Variants in MAP1A observed in about 807,000 individuals in gnomAD.
MAP1A encodes the protein microtubule associated protein 1A.
In MAP1A, 42 loss-of-function variants were observed where a neutral mutation model predicts 185.9. The observed-to-expected ratio is 0.23, with a 90% confidence interval of 0.18 to 0.29. The LOEUF (loss-of-function observed/expected upper bound fraction) is 0.29, where lower values mean the gene tolerates loss of function less well. MAP1A is among the 10% of genes least tolerant of loss of function. The pLI is 1.00. For missense variants in MAP1A, 2,995 were observed against 3,450.4 expected (o/e 0.87, Z 3.31); for synonymous variants, 1,229 against 1,335.9 (o/e 0.92, Z 1.74).
rs970610121 is a variant in MAP1A at position 43,521,195 on chromosome 15, G to T, written c.-151+83G>T. On this transcript the variant is annotated intron_variant, in intron 3 of 5. Coordinates refer to ENST00000300231, the MANE Select transcript of MAP1A (RefSeq NM_002373.6). The surrounding 1 kb of genome is among the most constrained non-coding windows in gnomAD (Gnocchi z 4.6). ...TCTAAGGGAAAGTCTCATATTGCAT[G>T]ACCATGGGGGGCCCTGGCAGAAAGG... 6.8e-7 allele frequency: 1 copy of T among 1,478,134 alleles called. No individual in the cohort carries two copies. Among genetic ancestry groups the T allele is most frequent in the Non-Finnish European group, 8.9e-7 (1 of 1,117,678 alleles). The allele number at this position is 1,478,134 out of a possible 1,614,324, so 91.6% of individuals were successfully genotyped here. A position where few individuals can be genotyped will look rare whatever the true frequency, so the allele number is the denominator to read the frequency against.
chr15:43,527,736 G>C lies in MAP1A; in HGVS notation c.6263G>C (p.Arg2088Thr). The C allele has an allele frequency of 6.2e-7, 1 of 1,613,190 alleles. No homozygotes were observed. The highest frequency in any genetic ancestry group is 1.7e-5 in the Admixed American group (1 of 59,896). The change falls in exon 4 of 6, where the codon AGG becomes ACG. Residue 2088 changes from arginine (R) to threonine (T), a missense_variant. Arg to Thr is a moderately conservative substitution (Grantham distance 71). This residue lies in a region of MAP1A where 2,728 missense variants were observed against 2,986.0 expected (regional missense o/e 0.91). Coordinates refer to ENST00000300231, the MANE Select transcript of MAP1A (RefSeq NM_002373.6). Reference protein sequence around the residue: ...NGNILSCSPDRRSPSPKESGR... With the variant: ...NGNILSCSPDTRSPSPKESGR... ...AACATCCTGAGCTGCAGCCCAGATA[G>C]GAGGTCCCCATCCCCCAAGGAATCA...
exon 1 of MAP1A, chr15:43,511,212 C>A (rs2079275778): frequency 6.5e-7 from 1 of 1,550,296 alleles, no homozygotes; most frequent in Admixed American, 2.0e-5. Flanking sequence ...GCCGTGCGGG[C>A]CCACCTTGAA....
In MAP1A at chr15:43,521,784, G is replaced by A. The variant is rs1306927546; in HGVS notation, c.311G>A (p.Arg104His). The A allele has an allele frequency of 5.6e-6, 9 of 1,614,100 alleles. No individual in the cohort carries two copies. The highest frequency in any genetic ancestry group is 2.2e-5 in the East Asian group (1 of 44,892). The change falls in exon 4 of 6, where the codon CGC (arginine) becomes CAC (histidine). Residue 104 changes from arginine (R) to histidine (H), a missense_variant. By Grantham distance (29) the Arg-to-His change is conservative. Transcript: ENST00000300231. The surrounding 1 kb of genome is among the most constrained non-coding windows in gnomAD (Gnocchi z 4.6). ...NLPGINGLLQ[R>H]KVAELEEEQS... ...CCAGGCATCAATGGACTACTGCAGC[G>A]CAAAGTGGCAGAGCTAGAGGAGGAG...
At position 43,523,857 on chromosome 15, in the gene MAP1A, C is replaced by T; in HGVS notation, c.2384C>T (p.Pro795Leu). The T allele has an allele frequency of 6.2e-7, 1 of 1,614,184 alleles. No individual in the cohort carries two copies. Among genetic ancestry groups the T allele is most frequent in the Admixed American group, 1.7e-5 (1 of 60,034 alleles). ...AGCCAACCTGCCGATAGTGCTGTTC[C>T]TGCTACCTCTGGCAAAGTCTATGGA... ...EASQPADSAV[P>L]ATSGKVYGTP... is the part of the protein sequence containing the mutation. Residue 795 changes from proline to leucine, a missense_variant, in exon 4 of 6, where the codon CCT (proline) becomes CTT (leucine). By Grantham distance (98) the Pro-to-Leu change is moderately conservative. Around this residue, in one of 3 missense-constraint regions of MAP1A, gnomAD observed 2,728 missense variants for 2,986.0 expected, o/e 0.91. Transcript: ENST00000300231.
At position 43,525,131 on chromosome 15, in the gene MAP1A, G is replaced by A. The variant is rs770395335; in HGVS notation, c.3658G>A (p.Glu1220Lys). 2.2e-5 allele frequency: 36 copies of A among 1,614,078 alleles called. No individual in the cohort carries two copies. The highest frequency in any genetic ancestry group is 2.8e-5 in the Non-Finnish European group (33 of 1,180,048). The change falls in exon 4 of 6, where the codon GAA (glutamate) becomes AAA (lysine). Residue 1220 changes from glutamate (E) to lysine (K), a missense_variant. Glu to Lys is a moderately conservative substitution (Grantham distance 56). Coordinates refer to ENST00000300231, the MANE Select transcript of MAP1A (RefSeq NM_002373.6). The stretch of plus-strand genomic sequence containing the variant: ...TGTCTCTTCTAAGCAGCTCTCTCCA[G>A]AAAGCCTTGGCACCCTCCAGTTTGG... ...LDVSSKQLSP[E>K]SLGTLQFGEL...
At position 43,523,404 on chromosome 15, in the gene MAP1A, G is replaced by A. The variant is rs946962804; in HGVS notation, c.1931G>A (p.Ser644Asn). Reference protein sequence around the residue: ...LPDRTEAREESEPEVKEDVIE... With the variant: ...LPDRTEAREENEPEVKEDVIE... ...GACAGAACAGAAGCCAGAGAGGAAA[G>A]TGAACCTGAAGTAAAGGAGGATGTG... Residue 644 changes from serine (S) to asparagine (N), a missense_variant, in exon 4 of 6, where the codon AGT (serine) becomes AAT (asparagine). Coordinates refer to ENST00000300231, the MANE Select transcript of MAP1A (RefSeq NM_002373.6). 6.2e-7 allele frequency: 1 copy of A among 1,612,944 alleles called. No individual in the cohort carries two copies. Among genetic ancestry groups the A allele is most frequent in the Non-Finnish European group, 8.5e-7 (1 of 1,179,426 alleles).
intron 2 of MAP1A, 46 bp from the exon 3 acceptor site, chr15:43,520,926 C>T: frequency 6.6e-7 from 1 of 1,525,540 alleles, no homozygotes; most frequent in South Asian, 1.2e-5. Flanking sequence ...CATTGCCTTT[C>T]CCTGGATTTC....
intron 1 of MAP1A, chr15:43,512,175 G>A (rs2079283022): frequency 6.7e-7 from 1 of 1,481,810 alleles, no homozygotes; most frequent in Middle Eastern, 1.7e-4. Context: ...AACCTTCTTT[G>A]TTTTTCTCCC....
At position 43,512,245 on chromosome 15, in the gene MAP1A, ACT is replaced by A. The variant is rs1455579170; in HGVS notation, c.297_298del (p.Phe100HisfsTer23). 10 of 1,549,662 alleles carry A rather than the reference ACT, an allele frequency of 6.5e-6. No homozygotes were observed. Among genetic ancestry groups the A allele is most frequent in the Admixed American group, 2.0e-5 (1 of 50,964 alleles). ...CCTTTGACTTGAACCAACAGTTGAG[ACT>A]CTTCATTACCCGGCACCTAGCTCAC... On this transcript the variant is annotated frameshift_variant, in exon 2 of 7. Transcript: ENST00000382031. LOFTEE classifies it high-confidence loss of function.
rs1332393839 is a variant in MAP1A at position 43,529,469 on chromosome 15, A to G, written c.7996A>G (p.Met2666Val). The G allele has an allele frequency of 6.2e-7, 1 of 1,612,564 alleles. No homozygotes were observed. The highest frequency in any genetic ancestry group is 8.5e-7 in the Non-Finnish European group (1 of 1,179,018). The change falls in exon 4 of 6, where the codon ATG (methionine) becomes GTG (valine). Residue 2666 changes from methionine to valine, a missense_variant. Transcript: ENST00000300231. The surrounding 1 kb of genome is among the most constrained non-coding windows in gnomAD (Gnocchi z 4.3). Reference protein sequence around the residue: ...PAEEKDGHSPMSKGLVNGLKA... With the variant: ...PAEEKDGHSPVSKGLVNGLKA... ...AGAGGAAAAGGATGGACACAGCCCC[A>G]TGTCCAAAGGCCTAGTCAATGGACT...
chr15:43,524,589 T>C lies in MAP1A; in HGVS notation c.3116T>C (p.Val1039Ala). ...SWGDTKRTPG[V>A]GKEDAAEETV... is the part of the protein sequence containing the mutation. ...GGAGACACTAAGCGCACACCAGGTGTGGGCAAAGAAGATGCTGCTGAGGAG... is the reference window on the plus strand; with the variant it reads ...GGAGACACTAAGCGCACACCAGGTGCGGGCAAAGAAGATGCTGCTGAGGAG... Residue 1039 changes from valine to alanine, a missense_variant, in exon 4 of 6, where the codon GTG becomes GCG. Val to Ala is a moderately conservative substitution (Grantham distance 64). Transcript: ENST00000300231. The C allele has an allele frequency of 6.2e-7, 1 of 1,613,914 alleles. No individual in the cohort carries two copies.
rs995006743 is a variant in MAP1A at position 43,517,632 on chromosome 15, T to C, written c.-443T>C. 1.1e-5 allele frequency: 10 copies of C among 900,226 alleles called. No individual in the cohort carries two copies. The highest frequency in any genetic ancestry group is 1.3e-5 in the Non-Finnish European group (10 of 778,180). 55.8% of individuals were successfully genotyped at this position (900,226 alleles called of 1,614,324 possible). ...CACTCCCACCCTAAGTGCTGCAGAC[T>C]CTTCCCTGAAGCTGCCGGCTGAGGC... On this transcript the variant is annotated 5_prime_UTR_variant, in exon 1 of 6. Coordinates refer to ENST00000300231, the MANE Select transcript of MAP1A (RefSeq NM_002373.6).
Position 43,524,307 on chromosome 15 carries a change from C to G in MAP1A, c.2834C>G (p.Thr945Arg), listed in dbSNP as rs775236278. The G allele has an allele frequency of 1.2e-6, 2 of 1,614,206 alleles. No individual in the cohort carries two copies. Among genetic ancestry groups the G allele is most frequent in the Non-Finnish European group, 1.7e-6 (2 of 1,180,032 alleles). ...GCTGTGGAAGAGGAAGAGGAGGAGA[C>G]AGCAAACGTAGAGATGTCTGAGAAA... Reference protein sequence around the residue: ...ERAVEEEEEETANVEMSEKLC... With the variant: ...ERAVEEEEEERANVEMSEKLC... Residue 945 changes from threonine (T) to arginine (R), a missense_variant, in exon 4 of 6, where the codon ACA becomes AGA. Transcript: ENST00000300231.
chr15:43,529,788 A>G lies in MAP1A; in HGVS notation c.8174A>G (p.Asn2725Ser), dbSNP rs375905188. The G allele has an allele frequency of 7.4e-6, 12 of 1,614,020 alleles. No individual in the cohort carries two copies. Among genetic ancestry groups the G allele is most frequent in the East Asian group, 2.2e-5 (1 of 44,884 alleles). ...VRASYYVVSG[N>S]DPANGEPSRA... ...GCATCCTACTATGTGGTCAGTGGGA[A>G]TGACCCTGCCAATGGCGAGCCAAGC... Residue 2725 changes from asparagine (N) to serine (S), a missense_variant, in exon 5 of 6, where the codon AAT becomes AGT. This residue lies in a region of MAP1A where 2,728 missense variants were observed against 2,986.0 expected (regional missense o/e 0.91). Transcript: ENST00000300231. This position sits in a 1 kb window ranked among gnomAD's most constrained non-coding sequence, Gnocchi z 4.3.
At position 43,524,574 on chromosome 15, in the gene MAP1A, A is replaced by G. The variant is rs370769489; in HGVS notation, c.3101A>G (p.Lys1034Arg). The G allele has an allele frequency of 6.2e-7, 1 of 1,614,024 alleles. No homozygotes were observed. Among genetic ancestry groups the G allele is most frequent in the African/African-American group, 1.3e-5 (1 of 74,908 alleles). The change falls in exon 4 of 6, where the codon AAG becomes AGG. Residue 1034 changes from lysine (K) to arginine (R), a missense_variant. By Grantham distance (26) the Lys-to-Arg change is conservative. Transcript: ENST00000300231. ...FQEADSWGDTKRTPGVGKEDA... is the reference protein window; with the variant it reads ...FQEADSWGDTRRTPGVGKEDA... ...GAGGCAGACTCCTGGGGAGACACTAAGCGCACACCAGGTGTGGGCAAAGAA... is the reference window on the plus strand; with the variant it reads ...GAGGCAGACTCCTGGGGAGACACTAGGCGCACACCAGGTGTGGGCAAAGAA...
intron 1 of MAP1A, 41 bp from the exon 2 acceptor site, chr15:43,520,600 T>C: frequency 7.8e-7 from 1 of 1,279,916 alleles, no homozygotes; most frequent in Non-Finnish European, 1.1e-6. Flanking sequence ...CCACAATTTC[T>C]ATACCTATTC....
At position 43,528,084 on chromosome 15, in the gene MAP1A, T is replaced by C. The variant is rs1269682363; in HGVS notation, c.6611T>C (p.Leu2204Pro). The change falls in exon 4 of 6, where the codon CTG becomes CCG. Residue 2204 changes from leucine (L) to proline (P), a missense_variant. Physicochemically the swap from Leu to Pro is moderately conservative, Grantham distance 98. Transcript: ENST00000300231. ...TTCTCTGGGGATCGAGCTCTGGCTC[T>C]GGCTCCAGGACCCCCCACCAGAACC... ...LAFSGDRALA[L>P]APGPPTRTRH... 1 of 1,613,918 alleles carries C rather than the reference T, an allele frequency of 6.2e-7. No individual in the cohort carries two copies. The highest frequency in any genetic ancestry group is 1.3e-5 in the African/African-American group (1 of 74,898).
upstream of MAP1A, among the ~76,000 whole-genome samples, chr15:43,513,101 G>A (rs765833759): frequency 3.3e-5 from 5 of 152,158 alleles, no homozygotes; most frequent in Admixed American, 6.5e-5. Context: ...GGCTGAGGCG[G>A]GGAGATCACC....
rs2079321558 is a variant in MAP1A, at chr15:43,522,088, T to C, written c.615T>C (p.Pro205=). 1 of 1,614,196 alleles carries C rather than the reference T, an allele frequency of 6.2e-7. No individual in the cohort carries two copies. ...GGCTGGACATGTATGTCCTCAACCC[T>C]GTCAAGGACAGCAAGGAGATGCAGT... ...VGRLDMYVLN[P]VKDSKEMQFL... The change falls in exon 4 of 6, where the codon CCT becomes CCC. Residue 205 remains proline, a synonymous_variant. Transcript: ENST00000300231. The surrounding 1 kb of genome is among the most constrained non-coding windows in gnomAD (Gnocchi z 5.9).
Sources: gnomAD v4.1 joint callset for allele counts (sites outside exome capture counted in the v4.1 genomes callset) on GRCh38, gnomAD v4.1.1 for gene constraint, gnomAD v4.1.1 regional missense constraint, Gnocchi (gnomAD v3.1) non-coding constraint, MANE v1.5 for transcripts, NCBI Gene and HGNC (gene_info 2026-07-23, HGNC 2026-07-21) for gene names.